Variants in ERICH6B observed in about 807,000 individuals in gnomAD.
ERICH6B encodes the protein glutamate-rich protein 6B.
Under a neutral mutation model 80.0 loss-of-function variants are expected in ERICH6B, and 69 were observed. The observed-to-expected ratio is 0.86, with a 90% CI of 0.71 to 1.05. The LOEUF (loss-of-function observed/expected upper bound fraction) is 1.05, where lower values mean the gene tolerates loss of function less well. Among genes scored for constraint, ERICH6B ranks in the 50% least tolerant of loss-of-function variants. The pLI is 0.00. For synonymous variants in ERICH6B, 283 were observed against 291.9 expected (o/e 0.97, Z 0.31); for missense variants, 754 against 796.1 (o/e 0.95, Z 0.64).
At chr13:45,587,995 G>C (rs1212341398) in intron 4 of ERICH6B, among the ~76,000 whole-genome samples, 1 of 152,196 alleles carries the variant, frequency 6.6e-6, no homozygotes, top group Non-Finnish European at 1.5e-5. Context: ...ATAGACTTTG[G>C]TGTCAGCTCT....
chr13:45,575,167 G>A (rs767864121), intron 7 of ERICH6B, among the ~76,000 whole-genome samples: 1 of 152,228 alleles, frequency 6.6e-6, no homozygotes. Flanking sequence ...AAGAAAGCAA[G>A]TGCATGTTCC....
At position 45,550,172 on chromosome 13, in the gene ERICH6B, G is replaced by A. The variant is rs548140382; in HGVS notation, c.1493+59C>T. 249 of 1,535,592 alleles carry A rather than the reference G, an allele frequency of 1.6e-4. No individual in the cohort carries two copies. In the African/African-American group the frequency reaches 2.8e-3, roughly 17 times the overall value. On this transcript the variant is annotated intron_variant, in intron 12 of 14. Coordinates refer to ENST00000298738, the MANE Select transcript of ERICH6B (RefSeq NM_182542.3). ...CAAACCCCTTACCCCATAAAAAATC[G>A]TAGACATTTTAGGTGCCAATATATG...
At chr13:45,554,654 A>G (rs1874362804) in intron 11 of ERICH6B, among the ~76,000 whole-genome samples, 2 of 152,246 alleles carry the variant, frequency 1.3e-5, no homozygotes, top group South Asian at 4.1e-4. Flanking sequence ...AATATATAAC[A>G]AACAGCATGT....
At chr13:45,577,679 T>A (rs1875478548) in intron 7 of ERICH6B, among the ~76,000 whole-genome samples, 1 of 152,176 alleles carries the variant, frequency 6.6e-6, no homozygotes, top group Non-Finnish European at 1.5e-5. Flanking sequence ...AGTGTTGTGA[T>A]CATGGCTCAC....
rs188244974 is a variant in ERICH6B, at chr13:45,541,716, T to C, written c.1873-36A>G. The C allele has an allele frequency of 5.8e-3, 8,935 of 1,542,892 alleles. 359 individuals are homozygous for C. The African/African-American group carries it at 0.097, about 17-fold the overall frequency. On this transcript the variant is annotated intron_variant, in intron 14 of 14. Transcript: ENST00000298738. ...TCACAGAGGACTGGGTGAGAATGCA[T>C]GCTGCCTGAGCACGGTGCCCCAGAC...
intron 8 of ERICH6B, 62 bp downstream of exon 8, chr13:45,574,780 C>T: frequency 1.5e-6 from 2 of 1,348,406 alleles, no homozygotes; most frequent in Non-Finnish European, 2.1e-6. Context: ...CTGGGCTAGG[C>T]TTGGGCCACC....
Position 45,574,935 on chromosome 13 carries a change from C to T in ERICH6B, c.962-5G>A, listed in dbSNP as rs767918255. 2.9e-5 allele frequency: 45 copies of T among 1,546,986 alleles called. No individual in the cohort carries two copies. The Admixed American group carries it at 3.0e-4, about 10-fold the overall frequency. ...CTTTAGAAGCAAACTCCAGGACTTT[C>T]GATTTTGGAAGGAGCGTCGAAAGGA... is the stretch of plus-strand genomic sequence containing the variant. On this transcript the variant is annotated splice_region_variant and splice_polypyrimidine_tract_variant and intron_variant, in intron 7 of 14. Transcript: ENST00000298738.
chr13:45,603,007 T>A (rs1212179913), intron 2 of ERICH6B, among the ~76,000 whole-genome samples: 2 of 152,208 alleles, frequency 1.3e-5, no homozygotes, highest in Non-Finnish European at 2.9e-5. Flanking sequence ...TCAGGAAAGC[T>A]GGTGGTGTAA....
chr13:45,606,547 A>ATTTTTTTTTT (rs71074722), intron 2 of ERICH6B, among the ~76,000 whole-genome samples: 2 of 16,608 alleles, frequency 1.2e-4, no homozygotes, highest in African/African-American at 1.8e-4. Context: ...ATATATATAT[A>ATTTTTTTTTT]TTTTTTTTTT....
intron 2 of ERICH6B, among the ~76,000 whole-genome samples, chr13:45,606,371 T>G (rs1237179934): frequency 1.3e-5 from 2 of 151,280 alleles, no homozygotes; most frequent in Non-Finnish European, 2.9e-5. Context: ...AATACCTTTC[T>G]ACCCACTAAC....
At chr13:45,569,060 C>A (rs1875042385) in intron 8 of ERICH6B, among the ~76,000 whole-genome samples, 1 of 152,120 alleles carries the variant, frequency 6.6e-6, no homozygotes, top group African/African-American at 2.4e-5. Context: ...AGTAGCATAG[C>A]ACCTTGTGCA....
rs148994408 is a variant in ERICH6B at position 45,554,210 on chromosome 13, A to G, written c.1408-3894T>C. 5.8e-3 allele frequency among the ~76,000 whole-genome samples: 876 copies of G among 152,310 alleles called. 22 individuals carry two copies. Among genetic ancestry groups the G allele is most frequent in the Admixed American group, 0.044 (674 of 15,290 alleles). On this transcript the variant is annotated intron_variant, in intron 11 of 14. Transcript: ENST00000298738. ...TTACGTTCCACACATAAGTGATGTCATAAAGTATTTGACTTTCTGTGCCTG... is the reference window on the plus strand; with the variant it reads ...TTACGTTCCACACATAAGTGATGTCGTAAAGTATTTGACTTTCTGTGCCTG...
chr13:45,570,690 C>T (rs1875118729), intron 8 of ERICH6B, among the ~76,000 whole-genome samples: 1 of 151,944 alleles, frequency 6.6e-6, no homozygotes, highest in African/African-American at 2.4e-5. Flanking sequence ...CTTTTTGCCC[C>T]ATTGCAGCTG....
intron 2 of ERICH6B, among the ~76,000 whole-genome samples, chr13:45,606,681 G>C (rs1187581744): frequency 6.7e-6 from 1 of 149,360 alleles, no homozygotes; most frequent in African/African-American, 2.5e-5. Flanking sequence ...AGCCTCCCAA[G>C]TAGCTGGGAC....
chr13:45,574,226 G>A (rs2137992658), intron 8 of ERICH6B, among the ~76,000 whole-genome samples: 1 of 152,138 alleles, frequency 6.6e-6, no homozygotes, highest in East Asian at 1.9e-4. Flanking sequence ...AATGAATAAT[G>A]ATGTTTCCCT....
intron 7 of ERICH6B, among the ~76,000 whole-genome samples, chr13:45,576,804 A>C (rs1182742072): frequency 6.6e-6 from 1 of 152,214 alleles, no homozygotes; most frequent in East Asian, 1.9e-4. Context: ...CTGAATACTC[A>C]ACAGTGGTGC....
intron 2 of ERICH6B, among the ~76,000 whole-genome samples, chr13:45,604,782 CGGGCA>C (rs1949847797): frequency 6.6e-6 from 1 of 151,986 alleles, no homozygotes; most frequent in Non-Finnish European, 1.5e-5. Context: ...AAAAATTAGC[CGGGCA>C]TGGTGGTGTG....
At chr13:45,548,415 C>T (rs868717268) in intron 13 of ERICH6B, among the ~76,000 whole-genome samples, 3 of 152,314 alleles carry the variant, frequency 2.0e-5, no homozygotes, top group Middle Eastern at 3.4e-3. Context: ...TGCAGTTTTG[C>T]TGATGAATTC....
Position 45,541,442 on chromosome 13 carries a change from G to C in ERICH6B, c.*20C>G. The C allele has an allele frequency of 1.9e-6, 3 of 1,546,368 alleles. No individual in the cohort carries two copies. The highest frequency in any genetic ancestry group is 2.6e-6 in the Non-Finnish European group (3 of 1,142,252). ...CTCCAACTTCCTAAGGCATTTGGTG[G>C]ATGCCAGATAAGCCCCGCCTTAAAA... On this transcript the variant is annotated 3_prime_UTR_variant, in exon 15 of 15. Transcript: ENST00000298738.
Sources: gnomAD v4.1 joint callset for allele counts (sites outside exome capture counted in the v4.1 genomes callset) on GRCh38, gnomAD v4.1.1 for gene constraint, MANE v1.5 for transcripts, NCBI Gene and HGNC (gene_info 2026-07-23, HGNC 2026-07-21) for gene names.